The following CHD7 variants were observed in gnomAD, a reference collection of about 807,000 sequenced individuals.
CHD7 encodes the protein ATP-dependent chromatin remodeler CHD7.
CHD7 carries 24 observed loss-of-function variants against 307.3 expected under a neutral mutation model. That is an observed-to-expected ratio of 0.08 (90% confidence interval 0.06 to 0.11). The LOEUF (loss-of-function observed/expected upper bound fraction) is 0.11, where lower values mean the gene tolerates loss of function less well. Among genes scored for constraint, CHD7 ranks in the 10% least tolerant of loss-of-function variants. The probability of loss-of-function intolerance (pLI) is 1.00; values close to 1 mark genes in which losing one functional copy is unlikely to be tolerated. For missense variants in CHD7, 3,106 were observed against 3,727.1 expected, an observed-to-expected ratio of 0.83 and a Z score of 4.34; for synonymous variants, 1,363 against 1,349.9, an observed-to-expected ratio of 1.01 and a Z score of -0.21.
chr8:60,686,176 G>T (rs550550986), intron 1 of CHD7, among the ~76,000 whole-genome samples: 4 of 152,146 alleles, frequency 2.6e-5, no homozygotes, highest in African/African-American at 4.8e-5. Flanking sequence ...ACCTTCACCT[G>T]CAATAGTTTT....
chr8:60,763,008 G>T (rs1482657660), intron 2 of CHD7, among the ~76,000 whole-genome samples: 1 of 151,746 alleles, frequency 6.6e-6, no homozygotes, highest in Non-Finnish European at 1.5e-5. Flanking sequence ...GCGGCAGGGG[G>T]AGGTGGGAGA....
Position 60,742,839 on chromosome 8 carries a change from G to C in CHD7, c.1407G>C (p.Arg469Ser). ...TTATAGGCATGTCCTCGGCACCAAG[G>C]GAATTGACTGGGCACATGAGGCCAA... Reference protein sequence around the residue: ...RPFIGMSSAPRELTGHMRPNG... With the variant: ...RPFIGMSSAPSELTGHMRPNG... Residue 469 changes from arginine to serine, a missense_variant, in exon 2 of 38, where the codon AGG (arginine) becomes AGC (serine). Arg to Ser is a moderately radical substitution (Grantham distance 110). Coordinates refer to ENST00000423902, the MANE Select transcript of CHD7 (RefSeq NM_017780.4). The C allele has an allele frequency of 6.2e-7, 1 of 1,613,276 alleles. No individual in the cohort carries two copies. The highest frequency in any genetic ancestry group is 1.1e-5 in the South Asian group (1 of 90,952).
chr8:60,819,939 A>G (rs1369140152), intron 8 of CHD7, 68 bp from the exon 9 acceptor site: 11 of 1,045,382 alleles, frequency 1.1e-5, no homozygotes, highest in Non-Finnish European at 1.4e-5. Flanking sequence ...TGCTTGGTGA[A>G]AAGTGGAATA....
intron 1 of CHD7, among the ~76,000 whole-genome samples, chr8:60,713,579 G>A (rs1257809024): frequency 6.6e-6 from 1 of 152,188 alleles, no homozygotes; most frequent in East Asian, 1.9e-4. Flanking sequence ...CTAGAATTCT[G>A]AAATGAGAAT....
At chr8:60,723,837 G>A (rs540149933) in intron 1 of CHD7, among the ~76,000 whole-genome samples, 5 of 152,310 alleles carry the variant, frequency 3.3e-5, no homozygotes, top group African/African-American at 1.2e-4. Flanking sequence ...TCTAAATATA[G>A]TTGACTAGTC....
chr8:60,832,480 G>A (rs1441818791), intron 15 of CHD7, among the ~76,000 whole-genome samples: 2 of 152,208 alleles, frequency 1.3e-5, no homozygotes, highest in African/African-American at 4.8e-5. Context: ...TTGAGTTGGC[G>A]AGACAGAGCT....
chr8:60,792,220 G>T (rs1811810552), intron 3 of CHD7, among the ~76,000 whole-genome samples: 1 of 152,126 alleles, frequency 6.6e-6, no homozygotes, highest in Non-Finnish European at 1.5e-5. Context: ...GATTACCTTT[G>T]TTTGTTAAAA....
intron 1 of CHD7, among the ~76,000 whole-genome samples, chr8:60,687,305 A>T (rs1267868871): frequency 4.7e-4 from 3 of 6,430 alleles, no homozygotes; most frequent in South Asian, 0.036. Context: ...GAATATGATA[A>T]AAAAAAAATA....
intron 19 of CHD7, among the ~76,000 whole-genome samples, chr8:60,841,399 C>T (rs1473185086): frequency 1.3e-5 from 2 of 152,346 alleles, no homozygotes; most frequent in East Asian, 3.9e-4. Context: ...CTGTATATCA[C>T]TTGCACTGGT....
intron 29 of CHD7, 74 bp from the exon 30 acceptor site, chr8:60,852,424 G>GC: frequency 7.0e-7 from 1 of 1,429,256 alleles, no homozygotes. Flanking sequence ...AGTCTGGGGG[G>GC]AAGAAGAAAA....
intron 19 of CHD7, 141 bp downstream of exon 19, chr8:60,838,396 T>G: frequency 1.3e-6 from 1 of 751,820 alleles, no homozygotes; most frequent in East Asian, 2.7e-5. Flanking sequence ...CCCTGGCACA[T>G]GAAGCTTTCT....
intron 1 of CHD7, among the ~76,000 whole-genome samples, chr8:60,714,261 C>T (rs1807446148): frequency 6.6e-6 from 1 of 152,086 alleles, no homozygotes; most frequent in African/African-American, 2.4e-5. Flanking sequence ...ATAAGGCCCT[C>T]GCTGCCGGCA....
chr8:60,841,809 T>C (rs760969327), intron 20 of CHD7, 38 bp from the exon 21 acceptor site: 18 of 1,609,744 alleles, frequency 1.1e-5, no homozygotes, highest in Non-Finnish European at 1.2e-5. Flanking sequence ...GAGCCACTCT[T>C]TGAGAAATGT....
At position 60,867,706 on chromosome 8, in the gene CHD7, CTG is replaced by C. The variant is rs1806282921; in HGVS notation, c.*1776_*1777del. ...ACAGGTGGTCTAAATTCCTCCCAGACTGTGAGATTCAGTTCGTTTATGCCCCA... is the reference window on the plus strand; with the variant it reads ...ACAGGTGGTCTAAATTCCTCCCAGACTGAGATTCAGTTCGTTTATGCCCCA... On this transcript the variant is annotated 3_prime_UTR_variant, in exon 38 of 38. Coordinates refer to ENST00000423902, the MANE Select transcript of CHD7 (RefSeq NM_017780.4). 1 of 152,224 alleles carries C rather than the reference CTG, an allele frequency of 6.6e-6. No homozygotes were observed. The highest frequency in any genetic ancestry group is 1.9e-4 in the East Asian group (1 of 5,198). The allele number at this position is 152,224 out of a possible 1,614,324, so 9.4% of individuals were successfully genotyped here.
At chr8:60,770,707 T>C (rs1249313743) in intron 2 of CHD7, among the ~76,000 whole-genome samples, 1 of 152,204 alleles carries the variant, frequency 6.6e-6, no homozygotes, top group Non-Finnish European at 1.5e-5. Flanking sequence ...TACATGGTAG[T>C]TAACTATCTA....
Position 60,861,107 on chromosome 8 carries a change from T to C in CHD7, c.7812T>C (p.Asp2604=). The C allele has an allele frequency of 6.3e-7, 1 of 1,589,956 alleles. No individual in the cohort carries two copies. Among genetic ancestry groups the C allele is most frequent in the East Asian group, 2.3e-5 (1 of 43,882 alleles). The change falls in exon 35 of 38, where the codon GAT becomes GAC. Residue 2604 remains aspartate, a synonymous_variant. Coordinates refer to ENST00000423902, the MANE Select transcript of CHD7 (RefSeq NM_017780.4). The stretch of plus-strand genomic sequence containing the variant: ...AGCTGCACCCTACTTACACTGTTGA[T>C]ATGCCAAGTTATGTACCAGTGAGTA... ...WLKLHPTYTV[D]MPSYVPKNAD...
At chr8:60,819,984 T>A (rs765675763) in intron 8 of CHD7, 23 bp from the exon 9 acceptor site, 20 of 1,205,280 alleles carry the variant, frequency 1.7e-5, no homozygotes, top group Non-Finnish European at 2.2e-5. Flanking sequence ...AACCTTTAAC[T>A]TTTTTTTTTC....
chr8:60,781,098 A>G lies in CHD7; in HGVS notation c.1764A>G (p.Pro588=). The G allele has an allele frequency of 6.2e-7, 1 of 1,611,310 alleles. No homozygotes were observed. Among genetic ancestry groups the G allele is most frequent in the Non-Finnish European group, 8.5e-7 (1 of 1,178,808 alleles). ...AQLVKSDDYL[P]SIEQQPQQKK... ...TAGTGAAGAGTGATGATTACCTGCC[A>G]TCAATAGAACAGCAGCCACAACAAA... The change falls in exon 3 of 38, where the codon CCA becomes CCG. Residue 588 remains proline (P), a synonymous_variant. Coordinates refer to ENST00000423902, the MANE Select transcript of CHD7 (RefSeq NM_017780.4).
chr8:60,685,383 C>T (rs1046319369), intron 1 of CHD7, among the ~76,000 whole-genome samples: 1 of 152,206 alleles, frequency 6.6e-6, no homozygotes, highest in Non-Finnish European at 1.5e-5. Flanking sequence ...TAGGAGTTTG[C>T]TCATTCCAGG....
Sources: allele counts gnomAD v4.1 joint callset (sites outside exome capture counted in the v4.1 genomes callset), GRCh38; gene constraint gnomAD v4.1.1; transcripts MANE v1.5; gene names NCBI Gene and HGNC (gene_info 2026-07-23, HGNC 2026-07-21).